SPAG16: variants seen among roughly 807,000 people sequenced by gnomAD.
The protein encoded by SPAG16 is sperm associated antigen 16, also known as sperm-associated antigen 16 protein.
Under a neutral mutation model 80.4 loss-of-function variants are expected in SPAG16, and 86 were observed. The ratio of observed to expected loss-of-function variants is 1.07; its 90% confidence interval spans 0.90 to 1.28. The LOEUF (loss-of-function observed/expected upper bound fraction) is 1.28, where lower values mean the gene tolerates loss of function less well. SPAG16 is among the 50% of genes most tolerant of loss of function. The pLI is 0.00. For synonymous variants in SPAG16, 294 were observed against 265.9 expected, an observed-to-expected ratio of 1.11 and a Z score of -1.03; for missense variants, 870 against 765.3, an observed-to-expected ratio of 1.14 and a Z score of -1.61.
At chr2:214,364,531 A>G (rs1196115157) in intron 15 of SPAG16, among the ~76,000 whole-genome samples, 2 of 152,034 alleles carry the variant, frequency 1.3e-5, no homozygotes, top group Non-Finnish European at 2.9e-5. Context: ...TCAGAGTGCT[A>G]TTTATTTTTG....
rs1304164027 is a variant in SPAG16 at position 214,014,006 on chromosome 2, T to A, written c.1456T>A (p.Phe486Ile). The change falls in exon 13 of 16, where the codon TTT becomes ATT. Residue 486 changes from phenylalanine (F) to isoleucine (I), a missense_variant. Physicochemically the swap from Phe to Ile is conservative, Grantham distance 21 (BLOSUM62 0). Transcript: ENST00000331683. The part of the protein sequence containing the change: ...GHTDSVNSIE[F>I]FPFSNTLLTS... ...TACAGATTCTGTGAACAGCATTGAGTTTTTTCCTTTCTCCAATACTCTTCT... is the reference window on the plus strand; with the variant it reads ...TACAGATTCTGTGAACAGCATTGAGATTTTTCCTTTCTCCAATACTCTTCT... 2 of 1,613,408 alleles carry A rather than the reference T, an allele frequency of 1.2e-6. No homozygotes were observed. The highest frequency in any genetic ancestry group is 1.7e-5 in the Admixed American group (1 of 59,988).
intron 10 of SPAG16, among the ~76,000 whole-genome samples, chr2:213,757,032 A>C (rs1427225003): frequency 1.3e-5 from 2 of 152,230 alleles, no homozygotes; most frequent in African/African-American, 2.4e-5. Context: ...TGTATTCAGC[A>C]AAGTTGCAGG....
At chr2:213,534,091 T>G (rs1269451234) in intron 10 of SPAG16, among the ~76,000 whole-genome samples, 1 of 152,174 alleles carries the variant, frequency 6.6e-6, no homozygotes, top group African/African-American at 2.4e-5. Flanking sequence ...TAGCCATTTT[T>G]TAAGGTTTTG....
At chr2:214,363,488 A>T (rs1284958959) in intron 15 of SPAG16, among the ~76,000 whole-genome samples, 3 of 152,076 alleles carry the variant, frequency 2.0e-5, no homozygotes, top group Admixed American at 6.6e-5. Flanking sequence ...CTGTGGACCC[A>T]CATTTCCGTT....
intron 15 of SPAG16, among the ~76,000 whole-genome samples, chr2:214,353,385 TAATC>T (rs1268917835): frequency 6.6e-6 from 1 of 152,180 alleles, no homozygotes; most frequent in African/African-American, 2.4e-5. Flanking sequence ...GCTCAAAAGA[TAATC>T]AAGGCTAAAA....
At chr2:213,675,887 A>G (rs1314315798) in intron 10 of SPAG16, among the ~76,000 whole-genome samples, 1 of 151,762 alleles carries the variant, frequency 6.6e-6, no homozygotes, top group African/African-American at 2.4e-5. Flanking sequence ...TTGGTTCCAT[A>G]TGAACTTTAA....
At chr2:213,762,089 A>T (rs2068695705) in intron 10 of SPAG16, among the ~76,000 whole-genome samples, 2 of 152,210 alleles carry the variant, frequency 1.3e-5, no homozygotes, top group South Asian at 4.1e-4. Context: ...AAGAGAACAA[A>T]GAAGAAAAAA....
At chr2:213,745,766 A>G in intron 10 of SPAG16, among the ~76,000 whole-genome samples, 1 of 152,206 alleles carries the variant, frequency 6.6e-6, no homozygotes, top group Non-Finnish European at 1.5e-5. Flanking sequence ...TCAACTTTAA[A>G]AAGGGACATC....
chr2:213,831,279 C>G (rs1030503862), intron 10 of SPAG16, among the ~76,000 whole-genome samples: 3 of 151,882 alleles, frequency 2.0e-5, no homozygotes, highest in Non-Finnish European at 4.4e-5. Flanking sequence ...ACCTCGTGAT[C>G]CACCCACCTC....
intron 13 of SPAG16, among the ~76,000 whole-genome samples, chr2:214,065,969 T>G (rs1344152179): frequency 6.6e-6 from 1 of 152,212 alleles, no homozygotes; most frequent in Non-Finnish European, 1.5e-5. Context: ...CTTCATCTTT[T>G]TATTCTCTAC....
intron 14 of SPAG16, among the ~76,000 whole-genome samples, chr2:214,140,185 CAG>C (rs1352995577): frequency 1.3e-5 from 2 of 152,118 alleles, no homozygotes; most frequent in South Asian, 2.1e-4. Flanking sequence ...AATATTTTGG[CAG>C]AGTTTCCTTT....
chr2:213,348,263 ATG>A (rs1317986563), intron 6 of SPAG16, among the ~76,000 whole-genome samples: 4 of 151,916 alleles, frequency 2.6e-5, no homozygotes, highest in Non-Finnish European at 5.9e-5. Flanking sequence ...TTTTGAGCCT[ATG>A]TGTGTCTCTG....
At position 213,639,324 on chromosome 2, in the gene SPAG16, T is replaced by C. The variant is rs188656096; in HGVS notation, c.1070+149234T>C. On this transcript the variant is annotated intron_variant, in intron 10 of 15. Coordinates refer to ENST00000331683, the MANE Select transcript of SPAG16 (RefSeq NM_024532.5). ...ACCTTGGGATTTTTGTATTGTGTTG[T>C]TGTTTTATAGGTCCTATGAGATTTA... Among the ~76,000 whole-genome samples, 305 of 152,280 alleles carry C rather than the reference T, an allele frequency of 2.0e-3. 10 individuals carry two copies. Among genetic ancestry groups the C allele is most frequent in the Non-Finnish European group, 2.1e-4 (14 of 68,016 alleles).
At chr2:213,719,448 T>A (rs1193990720) in intron 10 of SPAG16, among the ~76,000 whole-genome samples, 1 of 152,306 alleles carries the variant, frequency 6.6e-6, no homozygotes, top group South Asian at 2.1e-4. Context: ...CTAACTAATC[T>A]GATGCAGAGG....
chr2:213,373,062 C>A (rs114593023), intron 8 of SPAG16, among the ~76,000 whole-genome samples: 2,265 of 152,222 alleles, frequency 0.015, 28 homozygotes, highest in South Asian at 0.038. Flanking sequence ...AAAATGTTGA[C>A]TTTACCTAAG....
At chr2:213,431,448 G>A (rs2070291669) in intron 9 of SPAG16, among the ~76,000 whole-genome samples, 1 of 151,680 alleles carries the variant, frequency 6.6e-6, no homozygotes, top group Admixed American at 6.6e-5. Context: ...GAGGCAAGCA[G>A]GAGTAGCTAT....
At chr2:213,578,669 A>G in intron 10 of SPAG16, among the ~76,000 whole-genome samples, 1 of 152,124 alleles carries the variant, frequency 6.6e-6, no homozygotes, top group East Asian at 1.9e-4. Context: ...GCTAAAATCA[A>G]GTGTAAAATG....
intron 11 of SPAG16, among the ~76,000 whole-genome samples, chr2:213,908,640 T>A (rs1376530903): frequency 2.6e-5 from 4 of 152,140 alleles, no homozygotes; most frequent in Admixed American, 6.6e-5. Flanking sequence ...TTGTGATTCT[T>A]GGTTGATTCT....
intron 10 of SPAG16, among the ~76,000 whole-genome samples, chr2:213,580,773 C>G (rs1645374013): frequency 6.6e-6 from 1 of 152,044 alleles, no homozygotes; most frequent in African/African-American, 2.4e-5. Context: ...CTGTGAAAAT[C>G]TTATTCATAT....
Sources: allele counts gnomAD v4.1 joint callset (sites outside exome capture counted in the v4.1 genomes callset), GRCh38; gene constraint gnomAD v4.1.1; transcripts MANE v1.5; gene names NCBI Gene and HGNC (gene_info 2026-07-23, HGNC 2026-07-21).